MPPED1: variants seen among roughly 807,000 people sequenced by gnomAD.
MPPED1 encodes the protein metallophosphoesterase domain-containing protein 1.
MPPED1 carries 16 observed loss-of-function variants against 36.2 expected under a neutral mutation model. The observed-to-expected ratio is 0.44, with a 90% CI of 0.30 to 0.67. MPPED1 has a LOEUF of 0.67. MPPED1 is among the 30% of genes least tolerant of loss of function. MPPED1 has a pLI of 0.10. For missense variants in MPPED1, 307 were observed against 453.4 expected, an observed-to-expected ratio of 0.68 and a Z score of 2.93; for synonymous variants, 199 against 191.3, an observed-to-expected ratio of 1.04 and a Z score of -0.33.
chr22:43,479,946 T>C (rs1235555079), intron 4 of MPPED1, among the ~76,000 whole-genome samples: 1 of 152,108 alleles, frequency 6.6e-6, no homozygotes, highest in Non-Finnish European at 1.5e-5. Context: ...CACTGCGGCC[T>C]CGACTGCCTG....
Position 43,425,197 on chromosome 22 carries a change from C to T in MPPED1, c.212C>T (p.Pro71Leu), listed in dbSNP as rs775465001. 2.1e-6 allele frequency: 3 copies of T among 1,446,722 alleles called. No homozygotes were observed. The highest frequency in any genetic ancestry group is 2.8e-6 in the Non-Finnish European group (3 of 1,071,896). 89.6% of individuals were successfully genotyped at this position (1,446,722 alleles called of 1,614,324 possible). A position where few individuals can be genotyped will look rare whatever the true frequency, so the allele number is the denominator to read the frequency against. ...ATCAACCAGGGCCGCTTCCAGCCAC[C>T]GCATGTGCAGATGTAAGTGGGACCG... Reference protein sequence around the residue: ...YNINQGRFQPPHVQMVDPVPH... With the variant: ...YNINQGRFQPLHVQMVDPVPH... The change falls in exon 2 of 7, where the codon CCG becomes CTG. Residue 71 changes from proline to leucine, a missense_variant. This residue lies in a region of MPPED1 where 169 missense variants were observed against 212.3 expected (regional missense o/e 0.80). Coordinates refer to ENST00000443721, the MANE Select transcript of MPPED1 (RefSeq NM_001044370.2).
chr22:43,447,870 TATATATATATA>T (rs1410752165), intron 3 of MPPED1, among the ~76,000 whole-genome samples: 1 of 27,596 alleles, frequency 3.6e-5, no homozygotes, highest in African/African-American at 2.0e-4. Flanking sequence ...TATATATATA[TATATATATATA>T]TATTTTTTTT....
Position 43,502,529 on chromosome 22 carries a change from C to T in MPPED1, c.749-115C>T. On this transcript the variant is annotated intron_variant, in intron 5 of 6. Coordinates refer to ENST00000443721, the MANE Select transcript of MPPED1 (RefSeq NM_001044370.2). This position sits in a 1 kb window ranked among gnomAD's most constrained non-coding sequence, Gnocchi z 5.5. ...CTTGCTAGGGGAGAGTGGTGCAAAG[C>T]CGGAGTCCGGAAGCCCCATGCCTTC... 1.3e-6 allele frequency: 1 copy of T among 756,098 alleles called. No individual in the cohort carries two copies. Among genetic ancestry groups the T allele is most frequent in the Non-Finnish European group, 2.2e-6 (1 of 448,980 alleles). The allele number at this position is 756,098 out of a possible 1,614,324, so 46.8% of individuals were successfully genotyped here.
At chr22:43,491,115 T>C (rs1053135108) in intron 4 of MPPED1, among the ~76,000 whole-genome samples, 1 of 152,246 alleles carries the variant, frequency 6.6e-6, no homozygotes, top group African/African-American at 2.4e-5. Flanking sequence ...TTCTATTCTT[T>C]TTTTAAAAAA....
At chr22:43,450,790 C>G (rs1930536830) in intron 3 of MPPED1, among the ~76,000 whole-genome samples, 1 of 152,032 alleles carries the variant, frequency 6.6e-6, no homozygotes, top group Non-Finnish European at 1.5e-5. Context: ...GCAATGGTGC[C>G]ATCTTGGCTC....
In MPPED1 at chr22:43,505,805, A is replaced by G. The variant is rs1932799262; in HGVS notation, c.*189A>G. 8.7e-6 allele frequency: 5 copies of G among 574,596 alleles called. No individual in the cohort carries two copies. The highest frequency in any genetic ancestry group is 1.6e-5 in the Non-Finnish European group (5 of 321,152). 35.6% of individuals were successfully genotyped at this position (574,596 alleles called of 1,614,324 possible). A position where few individuals can be genotyped will look rare whatever the true frequency, so the allele number is the denominator to read the frequency against. On this transcript the variant is annotated 3_prime_UTR_variant, in exon 7 of 7. Coordinates refer to ENST00000443721, the MANE Select transcript of MPPED1 (RefSeq NM_001044370.2). Reference sequence around the variant, plus strand: ...TGGAGTTGGGACCCTGCGCATCCCCATCAGGGGTTCTGTGCTCATTTACTT... The same window carrying G: ...TGGAGTTGGGACCCTGCGCATCCCCGTCAGGGGTTCTGTGCTCATTTACTT...
Position 43,491,736 on chromosome 22 carries a change from GTGGTGA to G in MPPED1, c.633-6489_633-6484del, listed in dbSNP as rs377349414. Among the ~76,000 whole-genome samples, 167 of 144,184 alleles carry G rather than the reference GTGGTGA, an allele frequency of 1.2e-3. 1 individual carries two copies. Among genetic ancestry groups the G allele is most frequent in the Admixed American group, 1.6e-3 (24 of 14,596 alleles). 94.6% of individuals were successfully genotyped at this position (144,184 alleles called of 152,430 possible). A position where few individuals can be genotyped will look rare whatever the true frequency, so the allele number is the denominator to read the frequency against. On this transcript the variant is annotated intron_variant, in intron 4 of 6. Transcript: ENST00000443721. ...GGTGGTGATAAAGATGATGCTGGTG[GTGGTGA>G]TGGTGATGGAGGTAGTGGTGATGGA...
At chr22:43,428,881 G>A (rs560506861) in intron 2 of MPPED1, among the ~76,000 whole-genome samples, 3 of 152,130 alleles carry the variant, frequency 2.0e-5, no homozygotes, top group South Asian at 2.1e-4. Flanking sequence ...GTGGGTAGGC[G>A]GACCACTGGC....
chr22:43,451,810 C>T (rs1930578545), intron 3 of MPPED1, among the ~76,000 whole-genome samples: 2 of 152,200 alleles, frequency 1.3e-5, no homozygotes, highest in South Asian at 4.1e-4. Context: ...CCCATGGTCC[C>T]TACTAGGCCT....
intron 4 of MPPED1, among the ~76,000 whole-genome samples, chr22:43,485,601 T>G (rs778330129): frequency 1.3e-5 from 2 of 152,184 alleles, no homozygotes; most frequent in Non-Finnish European, 2.9e-5. Flanking sequence ...TATCTTCATC[T>G]TCCGTTCACC....
Position 43,436,279 on chromosome 22 carries a change from G to A in MPPED1, c.406+1064G>A, listed in dbSNP as rs572792917. 9.3e-4 allele frequency among the ~76,000 whole-genome samples: 141 copies of A among 152,286 alleles called. 2 individuals are homozygous for A. The highest frequency in any genetic ancestry group is 3.1e-3 in the African/African-American group (128 of 41,562). ...CCTGCTGCCGTGGAGGCGTGGGTGC[G>A]GGGCCGCTCACCTTCCTGCGCAGCC... On this transcript the variant is annotated intron_variant, in intron 3 of 6. Transcript: ENST00000443721.
At chr22:43,498,640 G>C (rs976792957) in intron 5 of MPPED1, among the ~76,000 whole-genome samples, 4 of 152,092 alleles carry the variant, frequency 2.6e-5, no homozygotes, top group Admixed American at 2.6e-4. Flanking sequence ...TGCCTCTGCA[G>C]ACCCCAGTCC....
intron 4 of MPPED1, among the ~76,000 whole-genome samples, chr22:43,495,311 ATGG>A (rs1301922432): frequency 3.7e-5 from 2 of 54,108 alleles, no homozygotes; most frequent in African/African-American, 7.8e-5. Flanking sequence ...GATGGTGGTG[ATGG>A]TGGTGGTGAT....
At chr22:43,420,045 G>A (rs1929210221) in intron 1 of MPPED1, among the ~76,000 whole-genome samples, 2 of 152,172 alleles carry the variant, frequency 1.3e-5, no homozygotes, top group South Asian at 4.1e-4. Context: ...GGGACCTGGA[G>A]TCTCCCACTC....
Position 43,505,652 on chromosome 22 carries a change from C to G in MPPED1, c.*36C>G. 2 of 1,547,270 alleles carry G rather than the reference C, an allele frequency of 1.3e-6. No homozygotes were observed. The highest frequency in any genetic ancestry group is 1.8e-6 in the Non-Finnish European group (2 of 1,135,338). On this transcript the variant is annotated 3_prime_UTR_variant, in exon 7 of 7. Transcript: ENST00000443721. ...CTGCCCCTGCCCTGCCCGCCCGTGT[C>G]AGCTCCACAGGCCTGGCCCGGCCAC...
chr22:43,417,447 CTT>C (rs11431981), intron 1 of MPPED1, among the ~76,000 whole-genome samples: 9 of 132,350 alleles, frequency 6.8e-5, no homozygotes, highest in Non-Finnish European at 7.9e-5. Context: ...AGTCCCTCTG[CTT>C]TTTTTTTTTT....
At chr22:43,461,051 C>T (rs1207767538) in intron 3 of MPPED1, among the ~76,000 whole-genome samples, 1 of 152,160 alleles carries the variant, frequency 6.6e-6, no homozygotes. Context: ...ATTGAGCAAG[C>T]TCTGAGTCAG....
chr22:43,466,690 T>C (rs578071701), intron 3 of MPPED1, among the ~76,000 whole-genome samples: 250 of 152,146 alleles, frequency 1.6e-3, no homozygotes, highest in South Asian at 7.1e-3. Flanking sequence ...AGGGCCACTA[T>C]CCACCTGCCC....
chr22:43,477,138 G>A (rs989108686), intron 4 of MPPED1, among the ~76,000 whole-genome samples: 2 of 152,212 alleles, frequency 1.3e-5, no homozygotes, highest in Non-Finnish European at 2.9e-5. Flanking sequence ...AGAGGCATGA[G>A]ATTTCCACAG....
Sources: gnomAD v4.1 joint callset for allele counts (sites outside exome capture counted in the v4.1 genomes callset) on GRCh38, gnomAD v4.1.1 for gene constraint, gnomAD v4.1.1 regional missense constraint, Gnocchi (gnomAD v3.1) non-coding constraint, MANE v1.5 for transcripts, NCBI Gene and HGNC (gene_info 2026-07-23, HGNC 2026-07-21) for gene names.